IGSF21: variants seen among roughly 807,000 people sequenced by gnomAD.
The protein encoded by IGSF21 is immunoglobin superfamily member 21.
Under a neutral mutation model 46.8 loss-of-function variants are expected in IGSF21, and 28 were observed. The observed-to-expected ratio is 0.60, with a 90% CI of 0.44 to 0.82. The LOEUF is 0.82. IGSF21 is among the 40% of genes least tolerant of loss of function. IGSF21 has a pLI of 0.00. For missense variants in IGSF21, 624 were observed against 665.5 expected, an observed-to-expected ratio of 0.94 and a Z score of 0.69; for synonymous variants, 284 against 273.6, an observed-to-expected ratio of 1.04 and a Z score of -0.38.
chr1:18,174,719 G>A (rs549632595), intron 1 of IGSF21, among the ~76,000 whole-genome samples: 1 of 152,218 alleles, frequency 6.6e-6, no homozygotes, highest in African/African-American at 2.4e-5. Flanking sequence ...ACGTCTGTTC[G>A]ACACTGGCTC....
chr1:18,377,528 G>A, intron 9 of IGSF21, 97 bp downstream of exon 9: 1 of 965,818 alleles, frequency 1.0e-6, no homozygotes, highest in South Asian at 1.3e-5. Flanking sequence ...GCACACCCTT[G>A]CCACTCCCTG....
At chr1:18,371,330 G>A (rs1317093986) in intron 6 of IGSF21, among the ~76,000 whole-genome samples, 1 of 152,170 alleles carries the variant, frequency 6.6e-6, no homozygotes, top group Admixed American at 6.5e-5. Context: ...TCAGAACTTT[G>A]GGAGGCCGAG....
intron 1 of IGSF21, chr1:18,115,217 C>A: frequency 6.6e-6 from 1 of 152,590 alleles, no homozygotes. Flanking sequence ...CCCTGGCTCC[C>A]CATAAGGCTT....
intron 4 of IGSF21, among the ~76,000 whole-genome samples, chr1:18,352,052 G>A (rs774241964): frequency 4.6e-5 from 7 of 152,204 alleles, no homozygotes; most frequent in African/African-American, 1.7e-4. Context: ...AAGTTGCACC[G>A]GTTGTGGGGA....
Position 18,227,984 on chromosome 1 carries a change from C to T in IGSF21, c.157C>T (p.Arg53Cys), listed in dbSNP as rs375768650. The T allele has an allele frequency of 3.3e-5, 54 of 1,613,734 alleles. No individual in the cohort carries two copies. The highest frequency in any genetic ancestry group is 4.1e-5 in the Non-Finnish European group (48 of 1,179,796). The stretch of plus-strand genomic sequence containing the variant: ...GAAGTGTAACTTCAAGACAGATGGG[C>T]GCATGCGGGAGATCGTGTGGTACCG... ...TLKCNFKTDG[R>C]MREIVWYRVT... is the part of the protein sequence containing the mutation. Residue 53 changes from arginine to cysteine, a missense_variant, in exon 2 of 10, where the codon CGC becomes TGC. Coordinates refer to ENST00000251296, the MANE Select transcript of IGSF21 (RefSeq NM_032880.5).
At chr1:18,221,713 C>T (rs2084512004) in intron 1 of IGSF21, among the ~76,000 whole-genome samples, 1 of 152,200 alleles carries the variant, frequency 6.6e-6, no homozygotes, top group Admixed American at 6.5e-5. Flanking sequence ...TCCTGATCCA[C>T]TTCTCGATAC....
chr1:18,142,947 C>A (rs1023550057), intron 1 of IGSF21, among the ~76,000 whole-genome samples: 1 of 152,202 alleles, frequency 6.6e-6, no homozygotes, highest in African/African-American at 2.4e-5. Flanking sequence ...GATGGGGAAC[C>A]AGAGGCTGTG....
chr1:18,359,332 G>A (rs1274832919), intron 4 of IGSF21, among the ~76,000 whole-genome samples: 3 of 62,768 alleles, frequency 4.8e-5, no homozygotes, highest in African/African-American at 1.6e-4. Context: ...GAGAGAAAGA[G>A]AAAGAAAAAG....
intron 1 of IGSF21, among the ~76,000 whole-genome samples, chr1:18,168,338 G>A (rs1255897573): frequency 2.0e-5 from 3 of 152,142 alleles, no homozygotes; most frequent in Admixed American, 6.5e-5. Flanking sequence ...CTGGTACTGG[G>A]CAGCTTAAGG....
chr1:18,210,059 C>G (rs1451162533), intron 1 of IGSF21, among the ~76,000 whole-genome samples: 1 of 152,146 alleles, frequency 6.6e-6, no homozygotes, highest in East Asian at 1.9e-4. Context: ...GTGTGTGAAT[C>G]AGGTACAAAT....
At chr1:18,224,739 C>A (rs1323335874) in intron 1 of IGSF21, among the ~76,000 whole-genome samples, 5 of 151,998 alleles carry the variant, frequency 3.3e-5, no homozygotes, top group Admixed American at 3.3e-4. Context: ...TATACTTAAC[C>A]CAATATCTCT....
At chr1:18,130,361 C>G (rs1220607059) in intron 1 of IGSF21, among the ~76,000 whole-genome samples, 1 of 152,178 alleles carries the variant, frequency 6.6e-6, no homozygotes, top group Non-Finnish European at 1.5e-5. Flanking sequence ...AGAAACGGAG[C>G]AGTCAGGATG....
chr1:18,278,760 T>C, intron 2 of IGSF21: 1 of 460,748 alleles, frequency 2.2e-6, no homozygotes, highest in South Asian at 1.6e-5. Flanking sequence ...TTCACCATGT[T>C]GCCCAGGCTG....
chr1:18,273,678 A>G (rs2085073601), intron 2 of IGSF21, among the ~76,000 whole-genome samples: 1 of 147,716 alleles, frequency 6.8e-6, no homozygotes, highest in African/African-American at 2.5e-5. Flanking sequence ...CCAGGTAAAG[A>G]TTTTTTTTTT....
intron 2 of IGSF21, among the ~76,000 whole-genome samples, chr1:18,270,027 C>T (rs2085027686): frequency 6.6e-6 from 1 of 152,186 alleles, no homozygotes; most frequent in Admixed American, 6.5e-5. Context: ...CGCCCTTCAC[C>T]CTCATGCTAT....
intron 1 of IGSF21, among the ~76,000 whole-genome samples, chr1:18,130,616 A>G (rs2086310261): frequency 6.6e-6 from 1 of 152,148 alleles, no homozygotes; most frequent in African/African-American, 2.4e-5. Context: ...AGGGTTAGTA[A>G]CTCACCCAAG....
chr1:18,290,382 G>T lies in IGSF21; in HGVS notation c.184-1484G>T, dbSNP rs190590453. ...AGAGATAGGAGGGGTGTGGGCTTACGGAGGGGTAAGGAGAAGCCGTGCCCT... is the reference window on the plus strand; with the variant it reads ...AGAGATAGGAGGGGTGTGGGCTTACTGAGGGGTAAGGAGAAGCCGTGCCCT... On this transcript the variant is annotated intron_variant, in intron 2 of 9. Transcript: ENST00000251296. This position sits in a 1 kb window ranked among gnomAD's most constrained non-coding sequence, Gnocchi z 4.2. Among the ~76,000 whole-genome samples the T allele has an allele frequency of 1.7e-3, 264 of 152,282 alleles. No individual in the cohort carries two copies. Among genetic ancestry groups the T allele is most frequent in the African/African-American group, 6.1e-3 (254 of 41,564 alleles).
At chr1:18,233,525 TTGG>T (rs2084647037) in intron 2 of IGSF21, among the ~76,000 whole-genome samples, 1 of 152,158 alleles carries the variant, frequency 6.6e-6, no homozygotes, top group Non-Finnish European at 1.5e-5. Flanking sequence ...TCACCTGAAA[TTGG>T]GCATGAAAAC....
At chr1:18,194,023 T>C (rs1358097939) in intron 1 of IGSF21, among the ~76,000 whole-genome samples, 2 of 152,196 alleles carry the variant, frequency 1.3e-5, no homozygotes, top group African/African-American at 2.4e-5. Flanking sequence ...TGTGGTTTTA[T>C]GAAGAAATGA....
Sources: allele counts gnomAD v4.1 joint callset (sites outside exome capture counted in the v4.1 genomes callset), GRCh38; gene constraint gnomAD v4.1.1; non-coding constraint Gnocchi (gnomAD v3.1); transcripts MANE v1.5; gene names NCBI Gene and HGNC (gene_info 2026-07-23, HGNC 2026-07-21).